Variants in IPO9 observed in about 807,000 individuals in gnomAD.
IPO9 encodes the protein importin 9.
A neutral mutation model predicts 128.6 loss-of-function variants in IPO9; 28 were observed. The observed-to-expected ratio is 0.22, with a 90% CI of 0.16 to 0.30. The LOEUF (loss-of-function observed/expected upper bound fraction) is 0.30. IPO9 is among the 10% of genes least tolerant of loss of function. The probability of loss-of-function intolerance (pLI) is 1.00; values close to 1 mark genes in which losing one functional copy is unlikely to be tolerated. For missense variants in IPO9, 935 were observed against 1,293.9 expected (o/e 0.72, Z 4.26); for synonymous variants, 455 against 475.8 (o/e 0.96, Z 0.57).
rs1192664772 is a variant in IPO9, at chr1:201,855,798, T to C, written c.986T>C (p.Phe329Ser). The change falls in exon 10 of 24, where the codon TTT (phenylalanine) becomes TCT (serine). Residue 329 changes from phenylalanine (F) to serine (S), a missense_variant. Phe to Ser is a radical substitution (Grantham distance 155). Transcript: ENST00000361565. The part of the protein sequence containing the change: ...PVDSDGEVLG[F>S]ENLVFSIFEF... ...TTTCCTGCAGGTGAAGTCCTGGGCT[T>C]TGAAAATCTCGTCTTTAGCATTTTT... is the stretch of plus-strand genomic sequence containing the variant. 1.9e-6 allele frequency: 3 copies of C among 1,610,172 alleles called. No homozygotes were observed. The highest frequency in any genetic ancestry group is 2.5e-6 in the Non-Finnish European group (3 of 1,179,290).
At chr1:201,872,606 A>AAC (rs1558225309) in intron 19 of IPO9, among the ~76,000 whole-genome samples, 2 of 147,740 alleles carry the variant, frequency 1.4e-5, no homozygotes, top group Non-Finnish European at 1.5e-5. Flanking sequence ...CCTATCTCAA[A>AAC]AACAACAACA....
At chr1:201,851,496 C>T (rs1319856344) in intron 4 of IPO9, among the ~76,000 whole-genome samples, 1 of 150,234 alleles carries the variant, frequency 6.7e-6, no homozygotes, top group African/African-American at 2.5e-5. Flanking sequence ...GGGAAAGATA[C>T]GACCCATATT....
chr1:201,866,462 G>A (rs1340077806), intron 14 of IPO9, among the ~76,000 whole-genome samples: 12 of 120,954 alleles, frequency 9.9e-5, no homozygotes, highest in Admixed American at 1.9e-4. Context: ...TATAAATTAA[G>A]CTTGTTTCAG....
intron 1 of IPO9, among the ~76,000 whole-genome samples, chr1:201,830,129 T>G (rs74703916): frequency 0.01 from 1,566 of 152,312 alleles, 31 homozygotes; most frequent in African/African-American, 0.036. Flanking sequence ...TCCTGCCGCG[T>G]GAGCCTTTCA....
At chr1:201,849,492 T>A (rs1475821467) in intron 4 of IPO9, among the ~76,000 whole-genome samples, 7 of 152,342 alleles carry the variant, frequency 4.6e-5, no homozygotes, top group African/African-American at 1.7e-4. Context: ...TTTGTAGAAG[T>A]CCCACCAATA....
intron 10 of IPO9, among the ~76,000 whole-genome samples, chr1:201,856,140 TTTTTTTTTC>T (rs1680324331): frequency 6.6e-6 from 1 of 150,742 alleles, no homozygotes; most frequent in Non-Finnish European, 1.5e-5. Context: ...TTTTTTTTTT[TTTTTTTTTC>T]CCAGCAAAGT....
chr1:201,859,957 T>TA (rs1184483412), intron 13 of IPO9, among the ~76,000 whole-genome samples: 1,587 of 142,078 alleles, frequency 0.011, 23 homozygotes, highest in African/African-American at 0.038. Flanking sequence ...AGACTTGGTT[T>TA]AAAAAAAAAA....
chr1:201,872,479 C>G (rs1266951301), intron 19 of IPO9, among the ~76,000 whole-genome samples: 2 of 151,992 alleles, frequency 1.3e-5, no homozygotes, highest in Non-Finnish European at 2.9e-5. Flanking sequence ...TGGCGCATGC[C>G]TATAGTCCCA....
chr1:201,863,502 C>A lies in IPO9; in HGVS notation c.1523C>A (p.Ala508Asp), dbSNP rs1399038970. ...TGGGCTGCCAGTCGGTTCACTGTTG[C>A]TATGTCCCCTGAACTGATCCAGCAG... ...ALWAASRFTV[A>D]MSPELIQQFL... Residue 508 changes from alanine to aspartate, a missense_variant, in exon 14 of 24, where the codon GCT becomes GAT. Ala to Asp is a moderately radical substitution (Grantham distance 126). This residue lies in a region of IPO9 where 741 missense variants were observed against 1,019.1 expected (regional missense o/e 0.73). Transcript: ENST00000361565. 1.2e-6 allele frequency: 2 copies of A among 1,600,418 alleles called. No homozygotes were observed. The highest frequency in any genetic ancestry group is 1.7e-6 in the Non-Finnish European group (2 of 1,169,246).
At chr1:201,861,693 A>C (rs1209988219) in intron 13 of IPO9, among the ~76,000 whole-genome samples, 2 of 152,226 alleles carry the variant, frequency 1.3e-5, no homozygotes, top group African/African-American at 4.8e-5. Context: ...TCCGTCAACA[A>C]GATGTTTATT....
intron 1 of IPO9, among the ~76,000 whole-genome samples, chr1:201,835,568 AG>A (rs1679906885): frequency 6.6e-6 from 1 of 152,248 alleles, no homozygotes; most frequent in African/African-American, 2.4e-5. Context: ...ACCATGGGAA[AG>A]GGAACTAGAG....
At position 201,882,799 on chromosome 1, in the gene IPO9, A is replaced by G. The variant is rs1680913051; in HGVS notation, c.*6745A>G. ...GCCTTGGTTCCCTCATCTGTAAAAT[A>G]GGGAACTAATACCTACCTCACAGGA... On this transcript the variant is annotated 3_prime_UTR_variant, in exon 24 of 24. Coordinates refer to ENST00000361565, the MANE Select transcript of IPO9 (RefSeq NM_018085.5). The G allele has an allele frequency of 6.6e-6, 1 of 152,648 alleles. No individual in the cohort carries two copies. The highest frequency in any genetic ancestry group is 2.4e-5 in the African/African-American group (1 of 41,428). 9.5% of individuals were successfully genotyped at this position (152,648 alleles called of 1,614,324 possible).
chr1:201,839,011 C>G (rs1571539017), intron 1 of IPO9, among the ~76,000 whole-genome samples: 1 of 151,602 alleles, frequency 6.6e-6, no homozygotes, highest in East Asian at 1.9e-4. Context: ...CCTCCGCCTC[C>G]TGGATTCAAG....
intron 1 of IPO9, among the ~76,000 whole-genome samples, chr1:201,831,253 C>T (rs1188383210): frequency 6.6e-6 from 1 of 152,090 alleles, no homozygotes; most frequent in Non-Finnish European, 1.5e-5. Flanking sequence ...ATCGACTGCC[C>T]CCCGACCCCC....
At position 201,829,191 on chromosome 1, in the gene IPO9, C is replaced by G; in HGVS notation, c.-19C>G. On this transcript the variant is annotated 5_prime_UTR_variant, in exon 1 of 24. Transcript: ENST00000361565. ...TGGCGGGTCCCGGCCGCGGGGCTGG[C>G]GGGCTGAGGGGAGAAAAGATGGCGG... 1.3e-6 allele frequency: 2 copies of G among 1,492,826 alleles called. No individual in the cohort carries two copies. The highest frequency in any genetic ancestry group is 8.9e-7 in the Non-Finnish European group (1 of 1,123,160). 92.5% of individuals were successfully genotyped at this position (1,492,826 alleles called of 1,614,324 possible). A position where few individuals can be genotyped will look rare whatever the true frequency, so the allele number is the denominator to read the frequency against.
chr1:201,856,947 A>C (rs1245343743), intron 10 of IPO9, 149 bp from the exon 11 acceptor site: 1 of 627,264 alleles, frequency 1.6e-6, no homozygotes, highest in African/African-American at 1.8e-5. Flanking sequence ...TTGGCCTCCC[A>C]AAGTGTCAGG....
chr1:201,866,751 A>T lies in IPO9; in HGVS notation c.1647A>T (p.Lys549Asn). The T allele has an allele frequency of 6.2e-7, 1 of 1,613,884 alleles. No homozygotes were observed. Among genetic ancestry groups the T allele is most frequent in the Non-Finnish European group, 8.5e-7 (1 of 1,179,856 alleles). ...TCTCTAGTTATTGTGACCAACTGAA[A>T]GTCTCAGAGAGTACCCACGTGCTCC... is the stretch of plus-strand genomic sequence containing the variant. ...RAIWGYCDQLKVSESTHVLQP... is the reference protein window; with the variant it reads ...RAIWGYCDQLNVSESTHVLQP... The change falls in exon 15 of 24, where the codon AAA (lysine) becomes AAT (asparagine). Residue 549 changes from lysine (K) to asparagine (N), a missense_variant. Lys to Asn is a moderately conservative substitution (Grantham distance 94). Around this residue, in one of 3 missense-constraint regions of IPO9, gnomAD observed 741 missense variants for 1,019.1 expected, o/e 0.73. Coordinates refer to ENST00000361565, the MANE Select transcript of IPO9 (RefSeq NM_018085.5).
chr1:201,831,885 T>TTTGTTG (rs10646458), intron 1 of IPO9, among the ~76,000 whole-genome samples: 1,869 of 150,792 alleles, frequency 0.012, 15 homozygotes, highest in African/African-American at 0.028. Context: ...GTTTTTTGCT[T>TTTGTTG]TTGTTGTTGT....
chr1:201,883,943 T>C lies in IPO9; in HGVS notation c.*7889T>C, dbSNP rs192485201. On this transcript the variant is annotated 3_prime_UTR_variant, in exon 24 of 24. Transcript: ENST00000361565. ...CCCTTGAACAGGGAGAGAGACACAA[T>C]GGATCAGAGTGTCTCTGCCAGTTCT... is the stretch of plus-strand genomic sequence containing the variant. 141 of 152,356 alleles carry C rather than the reference T, an allele frequency of 9.3e-4. No homozygotes were observed. The highest frequency in any genetic ancestry group is 3.2e-3 in the African/African-American group (131 of 41,580). The allele number at this position is 152,356 out of a possible 1,614,324, so 9.4% of individuals were successfully genotyped here. A position where few individuals can be genotyped will look rare whatever the true frequency, so the allele number is the denominator to read the frequency against.
Sources: allele counts gnomAD v4.1 joint callset (sites outside exome capture counted in the v4.1 genomes callset), GRCh38; gene constraint gnomAD v4.1.1; regional missense constraint gnomAD v4.1.1; transcripts MANE v1.5; gene names NCBI Gene and HGNC (gene_info 2026-07-23, HGNC 2026-07-21).